The following MBIP variants were observed in gnomAD, a reference collection of about 807,000 sequenced individuals.
The protein encoded by MBIP is MAP3K12 binding inhibitory protein 1.
MBIP carries 32 observed loss-of-function variants against 45.7 expected under a neutral mutation model. That is an observed-to-expected ratio of 0.70 (90% CI 0.53 to 0.94). The LOEUF is 0.94. Ranked by LOEUF, MBIP falls within the 40% of genes least tolerant of loss-of-function variation. The pLI is 0.00. For synonymous variants in MBIP, 145 were observed against 141.0 expected (o/e 1.03, Z -0.20); for missense variants, 381 against 405.5 (o/e 0.94, Z 0.52).
At chr14:36,306,553 G>A (rs564712941) in intron 7 of MBIP, among the ~76,000 whole-genome samples, 14 of 152,226 alleles carry the variant, frequency 9.2e-5, no homozygotes, top group Admixed American at 3.3e-4. Flanking sequence ...GATTACAGGC[G>A]TGAGCCACTG....
chr14:36,300,704 T>C (rs1001199562), intron 8 of MBIP, 81 bp downstream of exon 8: 4 of 1,046,356 alleles, frequency 3.8e-6, no homozygotes, highest in African/African-American at 3.3e-5. Context: ...AAAGCAACCA[T>C]AGTAGAAACT....
At chr14:36,305,050 A>G (rs1879788117) in intron 7 of MBIP, 1 of 152,176 alleles carries the variant, frequency 6.6e-6, no homozygotes, top group Non-Finnish European at 1.5e-5. Context: ...TTTCTTCTGT[A>G]TACTTTTGAG....
intron 6 of MBIP, 51 bp from the exon 7 acceptor site, chr14:36,308,240 TCA>T: frequency 1.1e-6 from 1 of 893,738 alleles, no homozygotes; most frequent in Non-Finnish European, 1.8e-6. Context: ...TTCTTTCTTT[TCA>T]CAATTTTTAT....
chr14:36,302,311 T>A (rs1353893614), intron 7 of MBIP, among the ~76,000 whole-genome samples: 1 of 151,934 alleles, frequency 6.6e-6, no homozygotes, highest in Non-Finnish European at 1.5e-5. Flanking sequence ...GCTAACATGG[T>A]GAAACCCAGT....
chr14:36,317,819 C>T (rs1008785280), intron 1 of MBIP, among the ~76,000 whole-genome samples: 3 of 151,816 alleles, frequency 2.0e-5, no homozygotes, highest in Admixed American at 6.6e-5. Context: ...AAAGGTGTTA[C>T]GTGAGTTCAA....
intron 1 of MBIP, among the ~76,000 whole-genome samples, chr14:36,317,988 T>C (rs1880677506): frequency 6.6e-6 from 1 of 152,002 alleles, no homozygotes. Context: ...CATTTAAAAG[T>C]CCATATTAGA....
chr14:36,302,978 C>A (rs7140630), intron 7 of MBIP, among the ~76,000 whole-genome samples: 123,854 of 152,132 alleles, frequency 0.81, 53,778 homozygotes, highest in East Asian at 0.96. Flanking sequence ...GTGAGCAAAG[C>A]TCCCAGTCAG....
At chr14:36,316,643 A>C in intron 2 of MBIP, 50 bp downstream of exon 2, 1 of 1,538,912 alleles carries the variant, frequency 6.5e-7, no homozygotes, top group Non-Finnish European at 8.8e-7. Flanking sequence ...CTTAACCACA[A>C]TCAATTTCTA....
At chr14:36,319,639 A>G in intron 1 of MBIP, 4 of 409,814 alleles carry the variant, frequency 9.8e-6, no homozygotes, top group South Asian at 7.3e-5. Context: ...ACCAGCCCCA[A>G]AACAAACTTT....
intron 4 of MBIP, among the ~76,000 whole-genome samples, chr14:36,313,119 A>G (rs1459061174): frequency 6.6e-6 from 1 of 151,476 alleles, no homozygotes; most frequent in Non-Finnish European, 1.5e-5. Flanking sequence ...TTATATCTAG[A>G]GACTAAATAG....
At position 36,314,854 on chromosome 14, in the gene MBIP, A is replaced by G. The variant is rs773729671; in HGVS notation, c.311T>C (p.Ile104Thr). 5.6e-6 allele frequency: 9 copies of G among 1,613,242 alleles called. No individual in the cohort carries two copies. The highest frequency in any genetic ancestry group is 4.5e-5 in the East Asian group (2 of 44,832). The change falls in exon 3 of 9, where the codon ATA becomes ACA. Residue 104 changes from isoleucine to threonine, a missense_variant. Physicochemically the swap from Ile to Thr is moderately conservative, Grantham distance 89. Coordinates refer to ENST00000416007, the MANE Select transcript of MBIP (RefSeq NM_016586.3). Reference protein sequence around the residue: ...KEENTTAVEEIGRTEMGNKNE... With the variant: ...KEENTTAVEETGRTEMGNKNE... ...TTTGTTCCCCATTTCTGTTCTTCCTATCTCTTCAACAGCAGTTGTATTCTC... is the reference window on the plus strand; with the variant it reads ...TTTGTTCCCCATTTCTGTTCTTCCTGTCTCTTCAACAGCAGTTGTATTCTC...
chr14:36,320,247 G>A (rs940039157), intron 1 of MBIP, among the ~76,000 whole-genome samples: 4 of 151,810 alleles, frequency 2.6e-5, no homozygotes, highest in Middle Eastern at 3.4e-3. Flanking sequence ...TCTTGGGGAG[G>A]ACAGCTGCAA....
At position 36,299,010 on chromosome 14, in the gene MBIP, C is replaced by T. The variant is rs1879363212; in HGVS notation, c.*73G>A. 11 of 1,041,558 alleles carry T rather than the reference C, an allele frequency of 1.1e-5. No homozygotes were observed. The highest frequency in any genetic ancestry group is 3.6e-5 in the Admixed American group (2 of 55,352). 64.5% of individuals were successfully genotyped at this position (1,041,558 alleles called of 1,614,324 possible). ...AAGTCTACATTGATAAATATATATC[C>T]GTTGAATTAATAACAGTGTAAGTTA... On this transcript the variant is annotated 3_prime_UTR_variant, in exon 9 of 9. Transcript: ENST00000416007.
At chr14:36,307,909 T>C (rs1288221690) in intron 7 of MBIP, 183 bp downstream of exon 7, 3 of 380,460 alleles carry the variant, frequency 7.9e-6, no homozygotes, top group Admixed American at 4.5e-5. Flanking sequence ...TTCTAAATTT[T>C]AAAAATATTC....
chr14:36,314,986 C>A, intron 2 of MBIP, 71 bp from the exon 3 acceptor site: 1 of 896,304 alleles, frequency 1.1e-6, no homozygotes, highest in Non-Finnish European at 1.8e-6. Context: ...AATATATTTA[C>A]ATAAATTTCT....
At chr14:36,300,037 A>G (rs1210403461) in intron 8 of MBIP, among the ~76,000 whole-genome samples, 1 of 152,162 alleles carries the variant, frequency 6.6e-6, no homozygotes, top group Non-Finnish European at 1.5e-5. Flanking sequence ...GCCACTTTAA[A>G]ATGATGAATT....
At chr14:36,305,866 T>C (rs1042986677) in intron 7 of MBIP, among the ~76,000 whole-genome samples, 15 of 152,186 alleles carry the variant, frequency 9.9e-5, no homozygotes, top group Admixed American at 2.6e-4. Flanking sequence ...CATCCAATCA[T>C]CAGTATTTGT....
At chr14:36,311,894 T>C in intron 5 of MBIP, 65 bp downstream of exon 5, 1 of 1,310,110 alleles carries the variant, frequency 7.6e-7, no homozygotes, top group South Asian at 1.4e-5. Flanking sequence ...AAGTTATTTC[T>C]ATTCCATTTT....
intron 1 of MBIP, among the ~76,000 whole-genome samples, chr14:36,320,027 C>T (rs904290379): frequency 6.6e-6 from 1 of 151,862 alleles, no homozygotes; most frequent in African/African-American, 2.4e-5. Flanking sequence ...ACAAATTACT[C>T]CCTCCCCCAC....
Sources: gnomAD v4.1 joint callset for allele counts (sites outside exome capture counted in the v4.1 genomes callset) on GRCh38, gnomAD v4.1.1 for gene constraint, MANE v1.5 for transcripts, NCBI Gene and HGNC (gene_info 2026-07-23, HGNC 2026-07-21) for gene names.